The following KIF1A variants were observed in gnomAD, a reference collection of about 807,000 sequenced individuals.
KIF1A encodes kinesin-like protein KIF1A.
A neutral mutation model predicts 227.3 loss-of-function variants in KIF1A; 46 were observed. The ratio of observed to expected loss-of-function variants is 0.20; its 90% confidence interval spans 0.16 to 0.26. KIF1A has a LOEUF of 0.26. Among genes scored for constraint, KIF1A ranks in the 10% least tolerant of loss-of-function variants. KIF1A has a pLI of 1.00. For missense variants in KIF1A, 1,683 were observed against 2,485.9 expected (o/e 0.68, Z 6.87); for synonymous variants, 1,022 against 1,012.8 (o/e 1.01, Z -0.17).
In KIF1A at chr2:240,771,078, G is replaced by A. The variant is rs763360043; in HGVS notation, c.1234C>T (p.Pro412Ser). The change falls in exon 15 of 49, where the codon CCC becomes TCC. Residue 412 changes from proline (P) to serine (S), a missense_variant. By Grantham distance (74) the Pro-to-Ser change is moderately conservative (BLOSUM62 -1). This residue lies in a region of KIF1A where 110 missense variants were observed against 133.1 expected (regional missense o/e 0.83). Transcript: ENST00000498729. ...GACAGGGCTGAGAGCGAGGATGAGG[G>A]GCTCATACCCACCAGGGCATTGGTC... ...KLTNALVGMSPSSSLSALSSR... is the reference protein window; with the variant it reads ...KLTNALVGMSSSSSLSALSSR... 5 of 1,613,470 alleles carry A rather than the reference G, an allele frequency of 3.1e-6. No homozygotes were observed. The highest frequency in any genetic ancestry group is 3.4e-6 in the Non-Finnish European group (4 of 1,179,830).
chr2:240,761,380 G>A lies in KIF1A; in HGVS notation c.2117-3C>T. ...ACACTCCCGCTCTGTCCACTGGACT[G>A]TGGGGAGAGGTCACACGTGGTCATC... On this transcript the variant is annotated splice_region_variant and splice_polypyrimidine_tract_variant and intron_variant, in intron 23 of 48. Coordinates refer to ENST00000498729, the MANE Select transcript of KIF1A (RefSeq NM_001244008.2). 6.3e-7 allele frequency: 1 copy of A among 1,592,604 alleles called. No individual in the cohort carries two copies. The highest frequency in any genetic ancestry group is 8.6e-7 in the Non-Finnish European group (1 of 1,166,022).
chr2:240,761,453 C>G lies in KIF1A; in HGVS notation c.2117-76G>C, dbSNP rs144894625. 1,812 of 1,421,802 alleles carry G rather than the reference C, an allele frequency of 1.3e-3. 2 individuals carry two copies. Among genetic ancestry groups the G allele is most frequent in the Non-Finnish European group, 1.6e-3 (1,757 of 1,074,132 alleles). 88.1% of individuals were successfully genotyped at this position (1,421,802 alleles called of 1,614,324 possible). On this transcript the variant is annotated intron_variant, in intron 23 of 48. Transcript: ENST00000498729. ...CACCATGCCCCGCCCTCTGGAAGGTCAGGCTGGTCGGCCACTCCATGGGGC... is the reference window on the plus strand; with the variant it reads ...CACCATGCCCCGCCCTCTGGAAGGTGAGGCTGGTCGGCCACTCCATGGGGC...
rs761058868 is a variant in KIF1A at position 240,737,118 on chromosome 2, T to C, written c.3952A>G (p.Ile1318Val). The C allele has an allele frequency of 6.2e-6, 10 of 1,613,406 alleles. No individual in the cohort carries two copies. Among genetic ancestry groups the C allele is most frequent in the Non-Finnish European group, 8.5e-6 (10 of 1,179,574 alleles). The stretch of plus-strand genomic sequence containing the variant: ...GAAGAGAGGATGTTGAGAGACAAGA[T>C]GTTGGGGTCGATCAGGGACTCGTCG... ...ETDESLIDPN[I>V]LSLNILSSGY... The change falls in exon 38 of 49, where the codon ATC becomes GTC. Residue 1318 changes from isoleucine (I) to valine (V), a missense_variant. Around this residue, in one of 12 missense-constraint regions of KIF1A, gnomAD observed 759 missense variants for 1,020.2 expected, o/e 0.74. Transcript: ENST00000498729.
Position 240,739,870 on chromosome 2 carries a change from C to T in KIF1A, c.3901+188G>A, listed in dbSNP as rs748351419. The stretch of plus-strand genomic sequence containing the variant: ...ACTGATTAAACAGAAATTTGCAGAT[C>T]GTCACCCAGGTCCAAGGCTCTCCTT... On this transcript the variant is annotated intron_variant, in intron 37 of 48. Transcript: ENST00000498729. This position sits in a 1 kb window ranked among gnomAD's most constrained non-coding sequence, Gnocchi z 5.6. 1.3e-5 allele frequency among the ~76,000 whole-genome samples: 2 copies of T among 152,064 alleles called. No homozygotes were observed. The highest frequency in any genetic ancestry group is 1.9e-4 in the East Asian group (1 of 5,186).
intron 25 of KIF1A, among the ~76,000 whole-genome samples, chr2:240,759,499 A>G (rs2050252759): frequency 6.6e-6 from 1 of 152,118 alleles, no homozygotes; most frequent in African/African-American, 2.4e-5. Flanking sequence ...CAAACTAGCC[A>G]AGCCTAAGCT....
In KIF1A at chr2:240,760,739, G is replaced by A. The variant is rs1485917116; in HGVS notation, c.2370C>T (p.Pro790=). The A allele has an allele frequency of 1.9e-6, 3 of 1,598,122 alleles. No individual in the cohort carries two copies. Among genetic ancestry groups the A allele is most frequent in the African/African-American group, 1.3e-5 (1 of 74,290 alleles). Residue 790 remains proline (P), a synonymous_variant, in exon 25 of 49, where the codon CCC becomes CCT. Transcript: ENST00000498729. ...GGACCTCCACGGCCACAATGGTGCG[G>A]GGGAAGGGCCGCGTCTCTCGGTCTT... is the stretch of plus-strand genomic sequence containing the variant. ...AAKDRETRPF[P]RTIVAVEVQD...
intron 27 of KIF1A, among the ~76,000 whole-genome samples, chr2:240,756,583 T>TGCC (rs2125862526): frequency 6.6e-6 from 1 of 152,378 alleles, no homozygotes; most frequent in East Asian, 1.9e-4. Context: ...TTGGGCCACA[T>TGCC]GCCGCCATCT....
At position 240,775,767 on chromosome 2, in the gene KIF1A, C is replaced by A; in HGVS notation, c.958+84G>T. 1 of 927,020 alleles carries A rather than the reference C, an allele frequency of 1.1e-6. No homozygotes were observed. The highest frequency in any genetic ancestry group is 1.8e-6 in the Non-Finnish European group (1 of 560,828). The allele number at this position is 927,020 out of a possible 1,614,324, so 57.4% of individuals were successfully genotyped here. A position where few individuals can be genotyped will look rare whatever the true frequency, so the allele number is the denominator to read the frequency against. The stretch of plus-strand genomic sequence containing the variant: ...GAAAGGGTGAGAGGCCTGCTGGCGA[C>A]TGGGCACCCCCTCAGTGGGGAAGAA... On this transcript the variant is annotated intron_variant, in intron 11 of 48. Coordinates refer to ENST00000498729, the MANE Select transcript of KIF1A (RefSeq NM_001244008.2). This position sits in a 1 kb window ranked among gnomAD's most constrained non-coding sequence, Gnocchi z 5.5.
At chr2:240,780,341 G>A (rs754052485) in intron 10 of KIF1A, among the ~76,000 whole-genome samples, 54 of 151,932 alleles carry the variant, frequency 3.6e-4, no homozygotes, top group Non-Finnish European at 6.9e-4. Context: ...CAGAGTACGC[G>A]GAGCTCCAGC....
chr2:240,786,424 C>T lies in KIF1A; in HGVS notation c.519G>A (p.Leu173=). 6.2e-7 allele frequency: 1 copy of T among 1,613,678 alleles called. No individual in the cohort carries two copies. Among genetic ancestry groups the T allele is most frequent in the Non-Finnish European group, 8.5e-7 (1 of 1,179,790 alleles). ...KGNLRVREHP[L]LGPYVEDLSK... ...AGAGGTCCTCCACGTAGGGCCCCAG[C>T]AGTGGGTGCTCCCTCACGCGAAGGT... The change falls in exon 6 of 49, where the codon CTG becomes CTA. Residue 173 remains leucine, a synonymous_variant. Coordinates refer to ENST00000498729, the MANE Select transcript of KIF1A (RefSeq NM_001244008.2).
intron 28 of KIF1A, among the ~76,000 whole-genome samples, chr2:240,749,219 C>T (rs1407877528): frequency 6.6e-6 from 1 of 152,106 alleles, no homozygotes; most frequent in Admixed American, 6.5e-5. Flanking sequence ...TTAAAATCAC[C>T]CAAGGCAGCC....
intron 27 of KIF1A, among the ~76,000 whole-genome samples, chr2:240,754,298 C>T (rs1030107004): frequency 9.9e-5 from 15 of 152,190 alleles, no homozygotes; most frequent in Admixed American, 5.9e-4. Flanking sequence ...GCACTGACCT[C>T]GGGCCCCAGG....
At chr2:240,750,156 T>G (rs2049046190) in intron 28 of KIF1A, among the ~76,000 whole-genome samples, 1 of 152,222 alleles carries the variant, frequency 6.6e-6, no homozygotes, top group African/African-American at 2.4e-5. Flanking sequence ...CACCTCCAGC[T>G]GACCCTGGGG....
intron 1 of KIF1A, among the ~76,000 whole-genome samples, chr2:240,803,525 G>T (rs147579063): frequency 1.6e-3 from 243 of 152,324 alleles, no homozygotes; most frequent in African/African-American, 5.2e-3. Flanking sequence ...TTATGGGAGC[G>T]TTTAGGTCTT....
chr2:240,774,840 C>T lies in KIF1A; in HGVS notation c.959-579G>A, dbSNP rs56871210. ...GCCAGCCCTCAGGACTGCTGCCTGG[C>T]GGTGCTTCAAGTCTGGACAGATGAT... On this transcript the variant is annotated intron_variant, in intron 11 of 48. Transcript: ENST00000498729. Among the ~76,000 whole-genome samples the T allele has an allele frequency of 9.2e-3, 1,406 of 152,182 alleles. 22 individuals carry two copies. Among genetic ancestry groups the T allele is most frequent in the African/African-American group, 0.032 (1,332 of 41,516 alleles).
intron 1 of KIF1A, among the ~76,000 whole-genome samples, chr2:240,818,216 C>T (rs1034749615): frequency 6.6e-6 from 1 of 152,154 alleles, no homozygotes. Context: ...GGGGAGGACA[C>T]CTGCAGGGCC....
In KIF1A at chr2:240,756,519, T is replaced by C. The variant is rs1004447877; in HGVS notation, c.2858+800A>G. ...CTCCCAACCGTGGCTTCTCATCCAT[T>C]TGGGCAACGTGATAACCAGCTTCTC... On this transcript the variant is annotated intron_variant, in intron 27 of 48. Transcript: ENST00000498729. Among the ~76,000 whole-genome samples the C allele has an allele frequency of 2.6e-5, 4 of 152,202 alleles. No homozygotes were observed. The East Asian group carries it at 7.7e-4, about 29-fold the overall frequency.
intron 6 of KIF1A, among the ~76,000 whole-genome samples, chr2:240,785,795 C>T (rs560899607): frequency 1.3e-4 from 20 of 152,304 alleles, no homozygotes; most frequent in Middle Eastern, 3.4e-3. Context: ...GTGTGACTCA[C>T]GACCTCAGGA....
At chr2:240,816,342 GTGTGTGTGCAA>G (rs1322830205) in intron 1 of KIF1A, among the ~76,000 whole-genome samples, 1 of 151,970 alleles carries the variant, frequency 6.6e-6, no homozygotes, top group African/African-American at 2.4e-5. Flanking sequence ...GTGTGTGTCA[GTGTGTGTGCAA>G]TGTGTGTGTA....
Sources: gnomAD v4.1 joint callset for allele counts (sites outside exome capture counted in the v4.1 genomes callset) on GRCh38, gnomAD v4.1.1 for gene constraint, gnomAD v4.1.1 regional missense constraint, Gnocchi (gnomAD v3.1) non-coding constraint, MANE v1.5 for transcripts, NCBI Gene and HGNC (gene_info 2026-07-23, HGNC 2026-07-21) for gene names.